Variants in COG6 observed in about 807,000 individuals in gnomAD.
COG6 encodes component of oligomeric golgi complex 6.
In COG6, 74 loss-of-function variants were observed where a neutral mutation model predicts 88.8. That is an observed-to-expected ratio of 0.83 (90% CI 0.69 to 1.01). The LOEUF is 1.01. COG6 is among the 50% of genes least tolerant of loss of function. COG6 has a pLI of 0.00. For missense variants in COG6, 800 were observed against 797.9 expected (o/e 1.00, Z -0.03); for synonymous variants, 286 against 278.7 (o/e 1.03, Z -0.26).
In COG6 at chr13:39,679,943, A is replaced by T. The variant is rs1394995954; in HGVS notation, c.624-32A>T. 2.6e-6 allele frequency: 3 copies of T among 1,175,856 alleles called. No homozygotes were observed. In the Admixed American group the frequency reaches 5.1e-5, roughly 20 times the overall value. The allele number at this position is 1,175,856 out of a possible 1,614,324, so 72.8% of individuals were successfully genotyped here. ...GTGCTTAGATGTATCTGTTGACTAA[A>T]GTTTAAATTATAATCATTAATTTTT... On this transcript the variant is annotated intron_variant, in intron 6 of 18. Coordinates refer to ENST00000455146, the MANE Select transcript of COG6 (RefSeq NM_020751.3).
At chr13:39,675,458 A>G (rs1268199959) in intron 4 of COG6, among the ~76,000 whole-genome samples, 2 of 152,202 alleles carry the variant, frequency 1.3e-5, no homozygotes, top group Admixed American at 6.5e-5. Context: ...AATAAAAAAT[A>G]TATTAGAATT....
chr13:39,750,254 A>G lies in COG6; in HGVS notation c.1827-692A>G, dbSNP rs1272977138. Among the ~76,000 whole-genome samples, 5 of 152,310 alleles carry G rather than the reference A, an allele frequency of 3.3e-5. No homozygotes were observed. The East Asian group carries it at 9.7e-4, about 29-fold the overall frequency. On this transcript the variant is annotated intron_variant, in intron 18 of 18. Transcript: ENST00000455146. ...ACATGAATAGTATGAGTAGCTAGGGATGACAGGAAGTTAATGTCATGGAAC... is the reference window on the plus strand; with the variant it reads ...ACATGAATAGTATGAGTAGCTAGGGGTGACAGGAAGTTAATGTCATGGAAC...
intron 18 of COG6, among the ~76,000 whole-genome samples, chr13:39,758,689 A>G (rs564600955): frequency 6.6e-6 from 1 of 152,316 alleles, no homozygotes; most frequent in South Asian, 2.1e-4. Flanking sequence ...CAGTTCCTCA[A>G]AAGAGTTATG....
chr13:39,714,927 C>T (rs747354801), intron 13 of COG6, among the ~76,000 whole-genome samples: 4 of 152,074 alleles, frequency 2.6e-5, no homozygotes, highest in Admixed American at 6.6e-5. Flanking sequence ...AGCAGGAGGC[C>T]ATTATTCTAA....
intron 8 of COG6, among the ~76,000 whole-genome samples, chr13:39,683,654 C>T (rs1290390165): frequency 2.0e-5 from 3 of 151,856 alleles, no homozygotes; most frequent in African/African-American, 7.3e-5. Context: ...AATTATGAGT[C>T]TTTTAGCACT....
intron 15 of COG6, among the ~76,000 whole-genome samples, chr13:39,720,960 A>G (rs9603600): frequency 1.1e-4 from 17 of 152,190 alleles, no homozygotes; most frequent in East Asian, 1.9e-4. Flanking sequence ...GGTTAGATCA[A>G]TGTTTTGTTA....
At chr13:39,663,734 A>G (rs556095691) in intron 3 of COG6, among the ~76,000 whole-genome samples, 23 of 152,122 alleles carry the variant, frequency 1.5e-4, no homozygotes, top group African/African-American at 5.1e-4. Flanking sequence ...AAAACTTTTA[A>G]TAAGTTAGCC....
At chr13:39,742,821 G>A (rs1008456227) in intron 18 of COG6, among the ~76,000 whole-genome samples, 12 of 151,912 alleles carry the variant, frequency 7.9e-5, no homozygotes, top group Admixed American at 3.9e-4. Context: ...GCACCACATC[G>A]CACTTATTCC....
At chr13:39,723,526 C>T (rs1878966177) in intron 16 of COG6, 86 bp downstream of exon 16, 4 of 799,910 alleles carry the variant, frequency 5.0e-6, no homozygotes, top group Non-Finnish European at 8.8e-6. Flanking sequence ...ATTCTTGGCT[C>T]TACCACATAT....
At chr13:39,759,563 C>T (rs1006789747) in intron 18 of COG6, among the ~76,000 whole-genome samples, 2 of 152,032 alleles carry the variant, frequency 1.3e-5, no homozygotes, top group Non-Finnish European at 2.9e-5. Context: ...TACTTTGGGG[C>T]TATAATTATA....
intron 11 of COG6, among the ~76,000 whole-genome samples, chr13:39,691,277 A>G (rs1876964463): frequency 6.6e-6 from 1 of 151,968 alleles, no homozygotes; most frequent in South Asian, 2.1e-4. Flanking sequence ...AGCCACTTGT[A>G]TAAAGACTTT....
intron 13 of COG6, among the ~76,000 whole-genome samples, chr13:39,716,431 G>A (rs181565168): frequency 3.9e-4 from 60 of 152,016 alleles, no homozygotes; most frequent in South Asian, 1.0e-3. Context: ...TACATGGTGT[G>A]GTTTTTCAAA....
chr13:39,678,706 G>A (rs1439805910), intron 5 of COG6, among the ~76,000 whole-genome samples: 11 of 152,032 alleles, frequency 7.2e-5, no homozygotes, highest in Admixed American at 7.2e-4. Flanking sequence ...AGGTGGGGAA[G>A]GGTTCTCACT....
chr13:39,715,776 G>C (rs1878494843), intron 13 of COG6, among the ~76,000 whole-genome samples: 1 of 151,906 alleles, frequency 6.6e-6, no homozygotes, highest in South Asian at 2.1e-4. Context: ...TTAACTGCTT[G>C]GTAGTTGGTT....
downstream of COG6, among the ~76,000 whole-genome samples, chr13:39,757,291 T>C (rs924156340): frequency 5.3e-5 from 8 of 152,156 alleles, no homozygotes; most frequent in Non-Finnish European, 7.3e-5. Flanking sequence ...AAGTTTGTAA[T>C]GAAACACCAT....
chr13:39,788,404 T>A, exon 19 of COG6: 1 of 1,542,778 alleles, frequency 6.5e-7, no homozygotes, highest in Non-Finnish European at 8.8e-7. Context: ...GCCATTCCAG[T>A]TGTGGGAGGT....
At chr13:39,690,246 A>G (rs935433329) in intron 11 of COG6, among the ~76,000 whole-genome samples, 2 of 152,052 alleles carry the variant, frequency 1.3e-5, no homozygotes, top group African/African-American at 2.4e-5. Flanking sequence ...AATAATGTGT[A>G]TTGGTATTAT....
At position 39,751,399 on chromosome 13, in the gene COG6, AT is replaced by A. The variant is rs142947196; in HGVS notation, c.*315del. The A allele has an allele frequency of 4.4e-3, 5,845 of 1,327,072 alleles. 198 individuals carry two copies. The African/African-American group carries it at 0.076, about 17-fold the overall frequency. 82.2% of individuals were successfully genotyped at this position (1,327,072 alleles called of 1,614,324 possible). A position where few individuals can be genotyped will look rare whatever the true frequency, so the allele number is the denominator to read the frequency against. ...TAAAGTAGTATGAAAGGTTTGAAGA[AT>A]TTTTTTTTACAAGACTAGTTCTAAA... is the stretch of plus-strand genomic sequence containing the variant. On this transcript the variant is annotated 3_prime_UTR_variant, in exon 19 of 19. Coordinates refer to ENST00000455146, the MANE Select transcript of COG6 (RefSeq NM_020751.3).
At chr13:39,688,172 C>A (rs1372885485) in intron 10 of COG6, among the ~76,000 whole-genome samples, 1 of 152,194 alleles carries the variant, frequency 6.6e-6, no homozygotes, top group Non-Finnish European at 1.5e-5. Flanking sequence ...TGTAAACAGG[C>A]TGAGTGACTT....
Sources: allele counts gnomAD v4.1 joint callset (sites outside exome capture counted in the v4.1 genomes callset), GRCh38; gene constraint gnomAD v4.1.1; transcripts MANE v1.5; gene names NCBI Gene and HGNC (gene_info 2026-07-23, HGNC 2026-07-21).